The following SMOC2 variants were observed in gnomAD, a reference collection of about 807,000 sequenced individuals.
SMOC2 encodes the protein SPARC related modular calcium binding 2.
SMOC2 carries 39 observed loss-of-function variants against 61.4 expected under a neutral mutation model. The observed-to-expected ratio is 0.64, with a 90% CI of 0.49 to 0.83. The LOEUF (loss-of-function observed/expected upper bound fraction) is 0.83. SMOC2 is among the 40% of genes least tolerant of loss of function. The probability of loss-of-function intolerance (pLI) is 0.00; values close to 1 mark genes in which losing one functional copy is unlikely to be tolerated. For missense variants in SMOC2, 556 were observed against 592.9 expected, an observed-to-expected ratio of 0.94 and a Z score of 0.65; for synonymous variants, 247 against 239.9, an observed-to-expected ratio of 1.03 and a Z score of -0.27.
chr6:168,473,409 C>A (rs780327547), intron 1 of SMOC2, among the ~76,000 whole-genome samples: 2 of 152,044 alleles, frequency 1.3e-5, no homozygotes, highest in African/African-American at 4.8e-5. Flanking sequence ...TTACCTGCCA[C>A]CTGTGTGCCC....
At chr6:168,626,999 A>T (rs1786429379) in intron 9 of SMOC2, among the ~76,000 whole-genome samples, 1 of 152,188 alleles carries the variant, frequency 6.6e-6, no homozygotes, top group Non-Finnish European at 1.5e-5. Flanking sequence ...TTCTCAAGAC[A>T]AGGAGCTTCT....
intron 8 of SMOC2, among the ~76,000 whole-genome samples, chr6:168,600,664 C>T (rs1785528296): frequency 6.6e-6 from 1 of 152,178 alleles, no homozygotes. Flanking sequence ...CTTCCTTCTG[C>T]TCCTGGTTTT....
At chr6:168,569,312 G>C (rs534973464) in intron 7 of SMOC2, among the ~76,000 whole-genome samples, 1 of 152,236 alleles carries the variant, frequency 6.6e-6, no homozygotes, top group Admixed American at 6.5e-5. Flanking sequence ...TGCCTATTTG[G>C]TATCTGTATA....
At chr6:168,603,039 G>A (rs1785593274) in intron 8 of SMOC2, among the ~76,000 whole-genome samples, 1 of 152,144 alleles carries the variant, frequency 6.6e-6, no homozygotes, top group Non-Finnish European at 1.5e-5. Context: ...GATCATGGGG[G>A]TGGTTTCCTC....
chr6:168,587,406 A>G (rs1425296663), intron 7 of SMOC2, among the ~76,000 whole-genome samples: 1 of 152,222 alleles, frequency 6.6e-6, no homozygotes, highest in East Asian at 1.9e-4. Context: ...ACGCGTGCCC[A>G]AGGTGGTCGG....
chr6:168,492,006 C>G (rs969105298), intron 1 of SMOC2, among the ~76,000 whole-genome samples: 1 of 152,150 alleles, frequency 6.6e-6, no homozygotes, highest in South Asian at 2.1e-4. Context: ...AAGGAAGTCT[C>G]CTAATTCTGA....
intron 2 of SMOC2, among the ~76,000 whole-genome samples, chr6:168,516,155 A>G (rs530674199): frequency 1.4e-4 from 21 of 152,318 alleles, no homozygotes; most frequent in Admixed American, 8.5e-4. Flanking sequence ...GTTTGATTAA[A>G]TTCGATTTAA....
intron 4 of SMOC2, among the ~76,000 whole-genome samples, chr6:168,538,145 G>GC (rs1783778016): frequency 6.7e-6 from 1 of 149,856 alleles, no homozygotes; most frequent in Non-Finnish European, 1.5e-5. Context: ...GGAATCTGGG[G>GC]TGTGGGGTGA....
chr6:168,459,318 G>A (rs896389176), intron 1 of SMOC2, among the ~76,000 whole-genome samples: 1 of 152,184 alleles, frequency 6.6e-6, no homozygotes, highest in Non-Finnish European at 1.5e-5. Context: ...TCACAGACGC[G>A]CCTGGGTCCC....
At chr6:168,556,123 C>T (rs9456183) in intron 7 of SMOC2, among the ~76,000 whole-genome samples, 51,457 of 152,012 alleles carry the variant, frequency 0.34, 8,996 homozygotes, top group Non-Finnish European at 0.39. Context: ...CCCCTCCCCG[C>T]ACGGGGAAGC....
At chr6:168,500,719 C>T (rs751568224) in intron 1 of SMOC2, among the ~76,000 whole-genome samples, 2 of 152,160 alleles carry the variant, frequency 1.3e-5, no homozygotes, top group Non-Finnish European at 1.5e-5. Flanking sequence ...GAGGAGGTAC[C>T]GTCCATGGGC....
chr6:168,632,592 G>A (rs1786598478), intron 9 of SMOC2, among the ~76,000 whole-genome samples: 1 of 152,178 alleles, frequency 6.6e-6, no homozygotes, highest in African/African-American at 2.4e-5. Flanking sequence ...ATTTCATATT[G>A]TAGATGTTGG....
intron 1 of SMOC2, among the ~76,000 whole-genome samples, chr6:168,449,175 C>T (rs994426115): frequency 6.6e-6 from 1 of 152,178 alleles, no homozygotes; most frequent in Non-Finnish European, 1.5e-5. Context: ...ATTGATCCGT[C>T]TTCACATGAA....
At chr6:168,576,239 T>C (rs1296988714) in intron 7 of SMOC2, among the ~76,000 whole-genome samples, 1 of 152,100 alleles carries the variant, frequency 6.6e-6, no homozygotes, top group South Asian at 2.1e-4. Context: ...AGCTCAAGTT[T>C]ATGGTCTAAT....
chr6:168,579,239 C>T lies in SMOC2; in HGVS notation c.638-19579C>T, dbSNP rs117583121. ...TTATCAAAATGCTATTTTGATGTTT[C>T]CTTTTTCTCATCTTAATTTTTTAAA... is the stretch of plus-strand genomic sequence containing the variant. On this transcript the variant is annotated intron_variant, in intron 7 of 12. Coordinates refer to ENST00000356284, the MANE Select transcript of SMOC2 (RefSeq NM_001166412.2). Among the ~76,000 whole-genome samples, 832 of 146,664 alleles carry T rather than the reference C, an allele frequency of 5.7e-3. 2 individuals carry two copies. The highest frequency in any genetic ancestry group is 9.7e-3 in the Non-Finnish European group (639 of 66,070).
intron 9 of SMOC2, 85 bp from the exon 10 acceptor site, chr6:168,650,596 C>G: frequency 7.6e-7 from 1 of 1,314,396 alleles, no homozygotes; most frequent in Non-Finnish European, 1.1e-6. Context: ...CATTTCCAAA[C>G]AGTAAAACAA....
At chr6:168,518,669 AGT>A (rs570554104) in intron 2 of SMOC2, among the ~76,000 whole-genome samples, 141 of 132,996 alleles carry the variant, frequency 1.1e-3, no homozygotes, top group African/African-American at 3.5e-3. Context: ...ATGTATGGAG[AGT>A]GTGCTTGTGT....
intron 1 of SMOC2, among the ~76,000 whole-genome samples, chr6:168,497,684 C>A (rs1782625045): frequency 6.6e-6 from 1 of 152,188 alleles, no homozygotes; most frequent in African/African-American, 2.4e-5. Context: ...GTCAGGAAAA[C>A]CTGGCTCAGA....
In SMOC2 at chr6:168,665,825, G is replaced by C. The variant is rs113285002; in HGVS notation, c.1324-596G>C. 9.4e-3 allele frequency among the ~76,000 whole-genome samples: 1,422 copies of C among 151,564 alleles called. 32 individuals carry two copies. The highest frequency in any genetic ancestry group is 0.033 in the African/African-American group (1,359 of 41,426). On this transcript the variant is annotated intron_variant, in intron 12 of 12. Coordinates refer to ENST00000356284, the MANE Select transcript of SMOC2 (RefSeq NM_001166412.2). ...CCTAAACTTTAAAATTTAATTATTT[G>C]AAATAATAAAACAGAAGAAGGGATC...
Sources: gnomAD v4.1 joint callset for allele counts (sites outside exome capture counted in the v4.1 genomes callset) on GRCh38, gnomAD v4.1.1 for gene constraint, MANE v1.5 for transcripts, NCBI Gene and HGNC (gene_info 2026-07-23, HGNC 2026-07-21) for gene names.